THRB: variants seen among roughly 807,000 people sequenced by gnomAD.
THRB encodes thyroid hormone receptor beta, also known as nuclear receptor subfamily 1 group A member 2.
In THRB, 12 loss-of-function variants were observed where a neutral mutation model predicts 47.8. The ratio of observed to expected loss-of-function variants is 0.25; its 90% confidence interval spans 0.16 to 0.41. THRB has a LOEUF of 0.41. Ranked by LOEUF, THRB falls within the 10% of genes least tolerant of loss-of-function variation. THRB has a pLI of 1.00. For missense variants in THRB, 348 were observed against 589.2 expected (o/e 0.59, Z 4.24); for synonymous variants, 218 against 212.2 (o/e 1.03, Z -0.24).
chr3:24,293,738 G>A (rs538501449), intron 3 of THRB, among the ~76,000 whole-genome samples: 3 of 152,300 alleles, frequency 2.0e-5, no homozygotes, highest in East Asian at 3.9e-4. Context: ...TCTAGGGTAG[G>A]GAGGCTTAAC....
rs939349206 is a variant in THRB at position 24,465,390 on chromosome 3, G to A, written c.-261+29262C>T. ...ATTCTCATCAGGATGAGGTGAAGTG[G>A]GAATCTGCCTGGGGTTTAGAATTAT... On this transcript the variant is annotated intron_variant, in intron 1 of 10. Coordinates refer to ENST00000646209, the MANE Select transcript of THRB (RefSeq NM_001354712.2). Among the ~76,000 whole-genome samples, 2 of 152,170 alleles carry A rather than the reference G, an allele frequency of 1.3e-5. 1 individual carries two copies. Among genetic ancestry groups the A allele is most frequent in the East Asian group, 3.9e-4 (2 of 5,174 alleles).
intron 3 of THRB, among the ~76,000 whole-genome samples, chr3:24,260,078 A>G (rs1456782767): frequency 6.6e-6 from 1 of 152,170 alleles, no homozygotes; most frequent in Non-Finnish European, 1.5e-5. Flanking sequence ...CTAAGCAACC[A>G]CTAATCTACT....
At chr3:24,245,035 G>A (rs1361477517) in intron 3 of THRB, among the ~76,000 whole-genome samples, 1 of 152,180 alleles carries the variant, frequency 6.6e-6, no homozygotes, top group South Asian at 2.1e-4. Context: ...GCTATCCAGA[G>A]TCCTGGCTTC....
intron 1 of THRB, among the ~76,000 whole-genome samples, chr3:24,409,966 G>C (rs941015128): frequency 6.6e-6 from 1 of 151,784 alleles, no homozygotes; most frequent in Non-Finnish European, 1.5e-5. Flanking sequence ...CTTTGATGAG[G>C]TGAGGTAAAT....
At chr3:24,442,374 T>TG (rs1344129065) in intron 1 of THRB, among the ~76,000 whole-genome samples, 1 of 152,194 alleles carries the variant, frequency 6.6e-6, no homozygotes, top group East Asian at 1.9e-4. Flanking sequence ...GTGGTGGAGC[T>TG]GGGATATGAA....
intron 2 of THRB, among the ~76,000 whole-genome samples, chr3:24,312,746 G>A (rs571744143): frequency 6.6e-6 from 1 of 152,304 alleles, no homozygotes; most frequent in South Asian, 2.1e-4. Context: ...CTGTGAGTCT[G>A]GGCCACATCA....
At chr3:24,486,378 A>G (rs1395604795) in intron 1 of THRB, 1 of 152,194 alleles carries the variant, frequency 6.6e-6, no homozygotes, top group Non-Finnish European at 1.5e-5. Flanking sequence ...TAAATGCTCT[A>G]CCATGGTGTC....
At chr3:24,324,341 C>CA (rs1301607819) in intron 2 of THRB, among the ~76,000 whole-genome samples, 1 of 152,040 alleles carries the variant, frequency 6.6e-6, no homozygotes, top group Non-Finnish European at 1.5e-5. Context: ...GAGTAATGGC[C>CA]AAAACCTCCC....
At chr3:24,422,682 T>C (rs994606570) in intron 1 of THRB, among the ~76,000 whole-genome samples, 1 of 151,870 alleles carries the variant, frequency 6.6e-6, no homozygotes, top group Admixed American at 6.6e-5. Context: ...TCTGCTGAAC[T>C]TACTTGTGGG....
At chr3:24,416,532 G>A (rs952809090) in intron 1 of THRB, among the ~76,000 whole-genome samples, 49 of 151,934 alleles carry the variant, frequency 3.2e-4, no homozygotes, top group African/African-American at 1.1e-3. Context: ...TGCATAAAGC[G>A]CTCTATTTAT....
chr3:24,182,074 G>A (rs1276155590), intron 5 of THRB, among the ~76,000 whole-genome samples: 4 of 152,198 alleles, frequency 2.6e-5, no homozygotes, highest in African/African-American at 4.8e-5. Context: ...GGTGGCGGGC[G>A]CCTGTAGTCC....
chr3:24,352,591 C>CG (rs1406194161), intron 1 of THRB, among the ~76,000 whole-genome samples: 2 of 152,124 alleles, frequency 1.3e-5, no homozygotes, highest in African/African-American at 4.8e-5. Context: ...AATTTCAAAC[C>CG]GGGGTGGTTG....
chr3:24,283,219 A>C (rs1308633266), intron 3 of THRB, among the ~76,000 whole-genome samples: 9 of 152,106 alleles, frequency 5.9e-5, no homozygotes, highest in Non-Finnish European at 1.5e-5. Flanking sequence ...GCAGCACATC[A>C]AAAAGCTTAT....
At chr3:24,238,272 T>G (rs2049084566) in intron 3 of THRB, among the ~76,000 whole-genome samples, 2 of 8,974 alleles carry the variant, frequency 2.2e-4, no homozygotes, top group African/African-American at 3.8e-4. Flanking sequence ...TATGTGTGTG[T>G]GTGTGTGGGG....
Position 24,487,573 on chromosome 3 carries a change from T to A in THRB, c.-261+7079A>T, listed in dbSNP as rs182127256. ...AGTAATAATATAAGAAGAGGATCTG[T>A]CAACATATTCAGGAGCAAGTAGAAG... is the stretch of plus-strand genomic sequence containing the variant. On this transcript the variant is annotated intron_variant, in intron 1 of 10. Coordinates refer to ENST00000646209, the MANE Select transcript of THRB (RefSeq NM_001354712.2). Among the ~76,000 whole-genome samples the A allele has an allele frequency of 1.1e-3, 167 of 152,248 alleles. 1 individual carries two copies. In the Middle Eastern group the frequency reaches 0.024, roughly 22 times the overall value.
intron 1 of THRB, among the ~76,000 whole-genome samples, chr3:24,443,943 T>G (rs934742092): frequency 6.6e-5 from 10 of 152,208 alleles, no homozygotes; most frequent in Non-Finnish European, 1.2e-4. Flanking sequence ...TCCCATACTC[T>G]GGCTTCCATA....
At chr3:24,312,780 G>T (rs1576753159) in intron 2 of THRB, among the ~76,000 whole-genome samples, 1 of 152,336 alleles carries the variant, frequency 6.6e-6, no homozygotes, top group South Asian at 2.1e-4. Context: ...AGGCCATGTG[G>T]AAGAGCGAAT....
At chr3:24,156,983 T>C (rs1269369118) in intron 5 of THRB, among the ~76,000 whole-genome samples, 2 of 152,224 alleles carry the variant, frequency 1.3e-5, no homozygotes, top group African/African-American at 4.8e-5. Flanking sequence ...TGTTAATCTT[T>C]AACCCTGTGA....
intron 2 of THRB, among the ~76,000 whole-genome samples, chr3:24,308,578 T>C (rs2057524570): frequency 6.6e-6 from 1 of 152,202 alleles, no homozygotes. Flanking sequence ...AAAAACTGCC[T>C]TGTTAAACGG....
Sources: allele counts gnomAD v4.1 joint callset (sites outside exome capture counted in the v4.1 genomes callset), GRCh38; gene constraint gnomAD v4.1.1; transcripts MANE v1.5; gene names NCBI Gene and HGNC (gene_info 2026-07-23, HGNC 2026-07-21).